OR51E2: variants seen among roughly 807,000 people sequenced by gnomAD.
The protein encoded by OR51E2 is olfactory receptor 51E2.
Under a neutral mutation model 13.7 loss-of-function variants are expected in OR51E2, and 14 were observed. That is an observed-to-expected ratio of 1.02 (90% CI 0.68 to 1.60). The LOEUF (loss-of-function observed/expected upper bound fraction) is 1.60, where lower values mean the gene tolerates loss of function less well. Ranked by LOEUF, OR51E2 falls within the 40% of genes most tolerant of loss-of-function variation. The probability of loss-of-function intolerance (pLI) is 0.00; values close to 1 mark genes in which losing one functional copy is unlikely to be tolerated. For missense variants in OR51E2, 483 were observed against 413.8 expected, an observed-to-expected ratio of 1.17 and a Z score of -1.45; for synonymous variants, 180 against 157.6, an observed-to-expected ratio of 1.14 and a Z score of -1.07.
intron 1 of OR51E2, among the ~76,000 whole-genome samples, chr11:4,694,524 A>G (rs1017500189): frequency 9.2e-5 from 13 of 141,406 alleles, no homozygotes; most frequent in African/African-American, 3.3e-4. Flanking sequence ...ATATATATAC[A>G]CACACACATA....
At chr11:4,690,559 C>A in intron 1 of OR51E2, 1 of 247,894 alleles carries the variant, frequency 4.0e-6, no homozygotes, top group Non-Finnish European at 8.0e-6. Flanking sequence ...TCTTCCATCC[C>A]ATGTCTTCAC....
Position 4,682,545 on chromosome 11 carries a change from G to C in OR51E2, c.167C>G (p.Ala56Gly). Residue 56 changes from alanine to glycine, a missense_variant, in exon 2 of 2, where the codon GCT becomes GGT. Transcript: ENST00000396950. ...FIVRTERSLH[A>G]PMYLFLCMLA... ...CATGCAGAGAAAGAGGTACATCGGA[G>C]CGTGCAGGCTGCGTTCCGTCCTTAC... The C allele has an allele frequency of 1.2e-6, 2 of 1,614,202 alleles. No individual in the cohort carries two copies. Among genetic ancestry groups the C allele is most frequent in the South Asian group, 2.2e-5 (2 of 91,084 alleles).
intron 1 of OR51E2, 66 bp from the exon 2 acceptor site, chr11:4,682,827 T>C: frequency 8.7e-7 from 1 of 1,146,780 alleles, no homozygotes; most frequent in East Asian, 2.5e-5. Flanking sequence ...CCACCCCTTT[T>C]GTCTTCTCCC....
chr11:4,685,772 A>AG (rs1847507539), intron 1 of OR51E2: 1 of 152,088 alleles, frequency 6.6e-6, no homozygotes, highest in African/African-American at 2.4e-5. Flanking sequence ...GATAAAAAAA[A>AG]CTCACCCCAA....
In OR51E2 at chr11:4,682,063, A is replaced by G; in HGVS notation, c.649T>C (p.Tyr217His). 2 of 1,614,256 alleles carry G rather than the reference A, an allele frequency of 1.2e-6. No homozygotes were observed. Among genetic ancestry groups the G allele is most frequent in the Non-Finnish European group, 1.7e-6 (2 of 1,180,052 alleles). Residue 217 changes from tyrosine (Y) to histidine (H), a missense_variant, in exon 2 of 2, where the codon TAT becomes CAT. By Grantham distance (83) the Tyr-to-His change is moderately conservative. Transcript: ENST00000396950. Reference protein sequence around the residue: ...GVDVMFISLSYFLIIRTVLQL... With the variant: ...GVDVMFISLSHFLIIRTVLQL... ...AGAACCGTTCGTATTATCAGAAAAT[A>G]GGACAAGGAGATGAACATTACGTCC...
Position 4,682,196 on chromosome 11 carries a change from G to T in OR51E2, c.516C>A (p.Val172=). Residue 172 remains valine (V), a synonymous_variant, in exon 2 of 2, where the codon GTC becomes GTA. Coordinates refer to ENST00000396950, the MANE Select transcript of OR51E2 (RefSeq NM_030774.4). ...IKRLAFCHSN[V]LSHSYCVHQD... The stretch of plus-strand genomic sequence containing the variant: ...GGTGGACACAATAGGAGTGCGAGAG[G>T]ACATTGGAGTGGCAGAAGGCCAGCC... 1 of 1,614,212 alleles carries T rather than the reference G, an allele frequency of 6.2e-7. No individual in the cohort carries two copies. Among genetic ancestry groups the T allele is most frequent in the Non-Finnish European group, 8.5e-7 (1 of 1,180,048 alleles).
chr11:4,689,837 ATT>A (rs1379527678), intron 1 of OR51E2, among the ~76,000 whole-genome samples: 1 of 151,932 alleles, frequency 6.6e-6, no homozygotes, highest in Non-Finnish European at 1.5e-5. Context: ...AGGTATGAAG[ATT>A]TGATTTGGGC....
chr11:4,683,326 T>C (rs1467687879), intron 1 of OR51E2, among the ~76,000 whole-genome samples: 1 of 152,202 alleles, frequency 6.6e-6, no homozygotes, highest in Non-Finnish European at 1.5e-5. Flanking sequence ...GAGATAACTT[T>C]GCAAATTTTC....
At chr11:4,697,124 GT>G (rs1438121018) in intron 1 of OR51E2, among the ~76,000 whole-genome samples, 1 of 152,306 alleles carries the variant, frequency 6.6e-6, no homozygotes, top group East Asian at 1.9e-4. Flanking sequence ...AGTATCAGAA[GT>G]CTGAAACATA....
chr11:4,685,038 C>G (rs1171433742), intron 1 of OR51E2: 1 of 152,156 alleles, frequency 6.6e-6, no homozygotes, highest in African/African-American at 2.4e-5. Context: ...CTGCCTGACC[C>G]CAGGTAAGGG....
At chr11:4,688,563 C>T (rs114207149) in intron 1 of OR51E2, among the ~76,000 whole-genome samples, 1 of 152,050 alleles carries the variant, frequency 6.6e-6, no homozygotes, top group South Asian at 2.1e-4. Flanking sequence ...CTGGGTAAGA[C>T]AGGATGCCCT....
intron 1 of OR51E2, among the ~76,000 whole-genome samples, chr11:4,684,500 G>A (rs2133246017): frequency 6.6e-6 from 1 of 152,294 alleles, no homozygotes; most frequent in Non-Finnish European, 1.5e-5. Flanking sequence ...GTGTTCCAGA[G>A]AAATGGGACC....
rs780052049 is a variant in OR51E2, at chr11:4,682,210, A to G, written c.502T>C (p.Cys168Arg). 1 of 1,614,238 alleles carries G rather than the reference A, an allele frequency of 6.2e-7. No individual in the cohort carries two copies. The highest frequency in any genetic ancestry group is 8.5e-7 in the Non-Finnish European group (1 of 1,180,040). ...LPLLIKRLAF[C>R]HSNVLSHSYC... Reference sequence around the variant, plus strand: ...GAGTGCGAGAGGACATTGGAGTGGCAGAAGGCCAGCCGCTTGATCAGCAGA... The same window carrying G: ...GAGTGCGAGAGGACATTGGAGTGGCGGAAGGCCAGCCGCTTGATCAGCAGA... Residue 168 changes from cysteine to arginine, a missense_variant, in exon 2 of 2, where the codon TGC becomes CGC. Physicochemically the swap from Cys to Arg is radical, Grantham distance 180 (BLOSUM62 -3). Coordinates refer to ENST00000396950, the MANE Select transcript of OR51E2 (RefSeq NM_030774.4).
chr11:4,690,873 A>T (rs1262425694), intron 1 of OR51E2: 1 of 456,642 alleles, frequency 2.2e-6, no homozygotes, highest in South Asian at 1.5e-5. Flanking sequence ...GTTAGCAATC[A>T]TAGTATGTAC....
chr11:4,693,583 T>C (rs1412292417), intron 1 of OR51E2, among the ~76,000 whole-genome samples: 2 of 151,902 alleles, frequency 1.3e-5, no homozygotes, highest in Non-Finnish European at 2.9e-5. Context: ...TAGCCGGGCG[T>C]GGTGGCGGGC....
rs1363350527 is a variant in OR51E2 at position 4,682,076 on chromosome 11, G to C, written c.636C>G (p.Phe212Leu). 1 of 1,614,064 alleles carries C rather than the reference G, an allele frequency of 6.2e-7. No individual in the cohort carries two copies. The highest frequency in any genetic ancestry group is 8.5e-7 in the Non-Finnish European group (1 of 1,180,038). ...TTATCAGAAAATAGGACAAGGAGAT[G>C]AACATTACGTCCACGCCCATGACCA... The part of the protein sequence containing the change: ...ILLVMGVDVM[F>L]ISLSYFLIIR... Residue 212 changes from phenylalanine to leucine, a missense_variant, in exon 2 of 2, where the codon TTC (phenylalanine) becomes TTG (leucine). Phe to Leu is a conservative substitution (Grantham distance 22, BLOSUM62 0). Coordinates refer to ENST00000396950, the MANE Select transcript of OR51E2 (RefSeq NM_030774.4).
Position 4,682,578 on chromosome 11 carries a change from A to G in OR51E2, c.134T>C (p.Val45Ala). The change falls in exon 2 of 2, where the codon GTC becomes GCC. Residue 45 changes from valine to alanine, a missense_variant. Transcript: ENST00000396950. ...VVAMFGNCIV[V>A]FIVRTERSLH... ...GCTGCGTTCCGTCCTTACGATGAAG[A>G]CCACGATGCAGTTTCCAAACATTGC... 6.2e-7 allele frequency: 1 copy of G among 1,614,210 alleles called. No homozygotes were observed.
chr11:4,683,948 G>T (rs995696938), intron 1 of OR51E2, among the ~76,000 whole-genome samples: 1 of 152,210 alleles, frequency 6.6e-6, no homozygotes, highest in Non-Finnish European at 1.5e-5. Flanking sequence ...CATTGAAACA[G>T]GTTAGCTTGC....
intron 1 of OR51E2, 133 bp from the exon 2 acceptor site, chr11:4,682,894 G>A: frequency 4.9e-6 from 3 of 606,932 alleles, no homozygotes; most frequent in Non-Finnish European, 8.6e-6. Flanking sequence ...GCGGGACTGT[G>A]ACAGATCAAA....
Sources: gnomAD v4.1 joint callset for allele counts (sites outside exome capture counted in the v4.1 genomes callset) on GRCh38, gnomAD v4.1.1 for gene constraint, MANE v1.5 for transcripts, NCBI Gene and HGNC (gene_info 2026-07-23, HGNC 2026-07-21) for gene names.